DMD: variants seen among roughly 807,000 people sequenced by gnomAD.
DMD encodes dystrophin, also known as mutant dystrophin.
A neutral mutation model predicts 330.1 loss-of-function variants in DMD; 63 were observed. The ratio of observed to expected loss-of-function variants is 0.19; its 90% CI spans 0.16 to 0.24. The LOEUF is 0.24. Among genes scored for constraint, DMD ranks in the 10% least tolerant of loss-of-function variants. The pLI is 1.00. For synonymous variants in DMD, 1,223 were observed against 959.8 expected (o/e 1.27, Z -5.07); for missense variants, 3,344 against 2,684.1 (o/e 1.25, Z -5.43).
chrX:32,335,965 A>G (rs747820219), intron 41 of DMD, among the ~76,000 whole-genome samples: 93 of 104,556 alleles, frequency 8.9e-4, no homozygotes, highest in African/African-American at 3.1e-3. Context: ...TATAACGTGT[A>G]TATGTGTATA....
intron 62 of DMD, among the ~76,000 whole-genome samples, chrX:31,308,201 C>T (rs899947330): frequency 8.9e-6 from 1 of 112,040 alleles, no homozygotes; most frequent in Non-Finnish European, 1.9e-5. Flanking sequence ...TACATGCATT[C>T]ACTGAACAAT....
chrX:31,155,340 T>C (rs1168723333), intron 74 of DMD, among the ~76,000 whole-genome samples: 1 of 112,734 alleles, frequency 8.9e-6, no homozygotes, highest in African/African-American at 3.2e-5. Context: ...ATTTATGAAA[T>C]AAAGAAATGA....
intron 45 of DMD, among the ~76,000 whole-genome samples, chrX:31,951,159 G>GTGTATATATATATGTA (rs2095169670): frequency 1.4e-5 from 1 of 71,714 alleles, no homozygotes; most frequent in Non-Finnish European, 2.6e-5. Context: ...ATATATATAT[G>GTGTATATATATATGTA]TATATATATA....
At chrX:31,598,567 T>C (rs5971581) in intron 55 of DMD, among the ~76,000 whole-genome samples, 41,347 of 110,700 alleles carry the variant, frequency 0.37, 6,248 homozygotes, top group African/African-American at 0.56. Flanking sequence ...CTAATAAAAA[T>C]ATTTAATGGT....
intron 7 of DMD, among the ~76,000 whole-genome samples, chrX:32,717,499 A>C (rs1177336908): frequency 1.8e-5 from 2 of 111,907 alleles, no homozygotes; most frequent in Non-Finnish European, 3.8e-5. Flanking sequence ...GAATGTGTGG[A>C]AACACCTGCA....
chrX:31,983,677 C>G (rs1488077158), intron 44 of DMD, among the ~76,000 whole-genome samples: 1 of 111,731 alleles, frequency 9.0e-6, no homozygotes, highest in African/African-American at 3.3e-5. Context: ...AGTTACCATA[C>G]AGAAATGTTG....
chrX:32,511,524 G>GGA (rs766801853), intron 18 of DMD, among the ~76,000 whole-genome samples: 30 of 49,772 alleles, frequency 6.0e-4, no homozygotes, highest in East Asian at 1.6e-3. Context: ...TCCGTCTCGG[G>GGA]AAAAAAAAAA....
chrX:33,028,617 A>G (rs1602871800), intron 1 of DMD, among the ~76,000 whole-genome samples: 1 of 112,081 alleles, frequency 8.9e-6, no homozygotes, highest in Non-Finnish European at 1.9e-5. Flanking sequence ...CACTCCCTAG[A>G]ATGAGGACAC....
At chrX:31,169,280 CA>C (rs72043108) in intron 74 of DMD, among the ~76,000 whole-genome samples, 162 bp downstream of exon 74, 1,423 of 88,848 alleles carry the variant, frequency 0.016, 11 homozygotes, top group African/African-American at 0.044. Context: ...TTTCAGATAA[CA>C]AAAAAAAAAA....
chrX:33,204,962 C>T (rs1478452296), intron 1 of DMD, among the ~76,000 whole-genome samples: 2 of 112,581 alleles, frequency 1.8e-5, no homozygotes, highest in Admixed American at 9.4e-5. Context: ...TGCTCTCTGA[C>T]AGCCCATTAG....
At chrX:33,012,175 G>C (rs1010876854) in intron 2 of DMD, among the ~76,000 whole-genome samples, 8 of 111,446 alleles carry the variant, frequency 7.2e-5, no homozygotes, top group Admixed American at 5.8e-4. Context: ...CTCACTAACT[G>C]AGTAATATCC....
At chrX:32,971,285 G>A (rs758917563) in intron 2 of DMD, among the ~76,000 whole-genome samples, 200 of 111,511 alleles carry the variant, frequency 1.8e-3, no homozygotes, top group African/African-American at 5.8e-3. Context: ...TTTATTAGGT[G>A]CAAGATTGTG....
intron 48 of DMD, among the ~76,000 whole-genome samples, chrX:31,839,962 C>A (rs1402626640): frequency 9.0e-6 from 1 of 111,515 alleles, no homozygotes; most frequent in Non-Finnish European, 1.9e-5. Context: ...AATCTAAAAA[C>A]TTCTATGAGT....
intron 44 of DMD, among the ~76,000 whole-genome samples, chrX:32,180,258 G>A (rs1246915339): frequency 9.0e-6 from 1 of 111,446 alleles, no homozygotes; most frequent in Non-Finnish European, 1.9e-5. Context: ...CTTAGATGTG[G>A]TCATCTGGTT....
At chrX:32,187,721 G>T (rs1282762810) in intron 44 of DMD, among the ~76,000 whole-genome samples, 1 of 110,509 alleles carries the variant, frequency 9.0e-6, no homozygotes, top group African/African-American at 3.3e-5. Flanking sequence ...AGAAGACAAC[G>T]TACAACTTTT....
intron 47 of DMD, among the ~76,000 whole-genome samples, chrX:31,878,829 A>G (rs2094008535): frequency 8.9e-6 from 1 of 112,354 alleles, no homozygotes; most frequent in Admixed American, 9.5e-5. Context: ...ACTGGCAAAA[A>G]TTCAAGTCTG....
intron 2 of DMD, among the ~76,000 whole-genome samples, chrX:32,949,965 CAAAAA>C (rs201823049): frequency 1.3e-5 from 1 of 74,943 alleles, no homozygotes; most frequent in Non-Finnish European, 2.7e-5. Context: ...GGTGCAGAGG[CAAAAA>C]AAAAAAAAAA....
chrX:33,319,118 C>T (rs113138523), intron 1 of DMD, among the ~76,000 whole-genome samples: 42 of 110,312 alleles, frequency 3.8e-4, no homozygotes, highest in African/African-American at 1.0e-3. Flanking sequence ...AGCTAGGAAA[C>T]GGTCTGTCAT....
At position 32,803,172 on chromosome X, in the gene DMD, G is replaced by C. The variant is rs771765962; in HGVS notation, c.649+6321C>G. Among the ~76,000 whole-genome samples the C allele has an allele frequency of 1.9e-4, 21 of 111,439 alleles. No homozygotes were observed. In the South Asian group the frequency reaches 5.6e-3, roughly 30 times the overall value. On this transcript the variant is annotated intron_variant, in intron 7 of 78. Coordinates refer to ENST00000357033, the MANE Select transcript of DMD (RefSeq NM_004006.3). Reference sequence around the variant, plus strand: ...TTGTTATTGTTCTATTCAGGGATTTGACTTCTTCCTGGTTTAATCTTGGAA... The same window carrying C: ...TTGTTATTGTTCTATTCAGGGATTTCACTTCTTCCTGGTTTAATCTTGGAA...
Sources: allele counts gnomAD v4.1 joint callset (sites outside exome capture counted in the v4.1 genomes callset), GRCh38; gene constraint gnomAD v4.1.1; transcripts MANE v1.5; gene names NCBI Gene and HGNC (gene_info 2026-07-23, HGNC 2026-07-21).